Variants in TRIB3 observed in about 807,000 individuals in gnomAD.
TRIB3 encodes the protein tribbles pseudokinase 3, also known as tribbles homolog 3.
A neutral mutation model predicts 16.6 loss-of-function variants in TRIB3; 20 were observed. The ratio of observed to expected loss-of-function variants is 1.20; its 90% CI spans 0.85 to 1.75. TRIB3 has a LOEUF of 1.75. Among genes scored for constraint, TRIB3 ranks in the 40% most tolerant of loss-of-function variants. The pLI is 0.00. For missense variants in TRIB3, 484 were observed against 488.9 expected (o/e 0.99, Z 0.10); for synonymous variants, 208 against 217.0 (o/e 0.96, Z 0.36).
intron 1 of TRIB3, among the ~76,000 whole-genome samples, chr20:387,709 T>C (rs956775038): frequency 6.6e-6 from 1 of 152,216 alleles, no homozygotes; most frequent in African/African-American, 2.4e-5. Context: ...GCTGTATGGC[T>C]ATACCATGAT....
rs138193198 is a variant in TRIB3, at chr20:388,233, G to A, written c.223G>A (p.Glu75Lys). 4.6e-4 allele frequency: 741 copies of A among 1,613,650 alleles called. 1 individual carries two copies. In the African/African-American group the frequency reaches 8.4e-3, roughly 18 times the overall value. ...ASRLGPYVLLEPEEGGRAYQA... is the reference protein window; with the variant it reads ...ASRLGPYVLLKPEEGGRAYQA... ...CCGTCTTGGGCCCTATGTCCTCCTG[G>A]AGCCCGAGGAGGGCGGGCGGGCCTA... The change falls in exon 2 of 4, where the codon GAG becomes AAG. Residue 75 changes from glutamate (E) to lysine (K), a missense_variant. Coordinates refer to ENST00000217233, the MANE Select transcript of TRIB3 (RefSeq NM_021158.5).
intron 1 of TRIB3, among the ~76,000 whole-genome samples, chr20:386,461 T>C (rs556982117): frequency 6.6e-6 from 1 of 152,164 alleles, no homozygotes; most frequent in African/African-American, 2.4e-5. Context: ...CAGGCTGGAG[T>C]GTAGTGGCAC....
intron 1 of TRIB3, chr20:382,376 C>G (rs1370616379): frequency 2.9e-6 from 2 of 678,638 alleles, no homozygotes; most frequent in Non-Finnish European, 4.9e-6. Flanking sequence ...CCAAGGCAGC[C>G]TGGACTACTG....
intron 1 of TRIB3, chr20:382,309 T>C: frequency 1.9e-6 from 1 of 533,088 alleles, no homozygotes. Flanking sequence ...ACCGCATCTG[T>C]CCCCATCTGG....
At chr20:381,834 G>A (rs2014661640) in intron 1 of TRIB3, among the ~76,000 whole-genome samples, 1 of 152,212 alleles carries the variant, frequency 6.6e-6, no homozygotes, top group African/African-American at 2.4e-5. Context: ...CGCGGCTCCG[G>A]GTTTGCAGGT....
rs368799694 is a variant in TRIB3, at chr20:391,359, C to T, written c.364C>T (p.Arg122Trp). 3.3e-5 allele frequency: 53 copies of T among 1,613,466 alleles called. No individual in the cohort carries two copies. In the South Asian group the frequency reaches 4.1e-4, roughly 12 times the overall value. Residue 122 changes from arginine to tryptophan, a missense_variant, in exon 3 of 4, where the codon CGG becomes TGG. Coordinates refer to ENST00000217233, the MANE Select transcript of TRIB3 (RefSeq NM_021158.5). ...ARLPPHKHVA[R>W]PTEVLAGTQL... ...GCTGCCCCCGCACAAGCATGTGGCTCGGCCCACTGAGGTCCTGGCTGGTAC... is the reference window on the plus strand; with the variant it reads ...GCTGCCCCCGCACAAGCATGTGGCTTGGCCCACTGAGGTCCTGGCTGGTAC...
intron 1 of TRIB3, among the ~76,000 whole-genome samples, chr20:384,252 C>T (rs1020734068): frequency 2.0e-5 from 3 of 152,204 alleles, no homozygotes; most frequent in African/African-American, 4.8e-5. Flanking sequence ...CCTTCAGTGG[C>T]TCCCCACTGC....
chr20:396,759 G>T lies in TRIB3; in HGVS notation c.*69G>T. 1 of 1,528,302 alleles carries T rather than the reference G, an allele frequency of 6.5e-7. No individual in the cohort carries two copies. 94.7% of individuals were successfully genotyped at this position (1,528,302 alleles called of 1,614,324 possible). A position where few individuals can be genotyped will look rare whatever the true frequency, so the allele number is the denominator to read the frequency against. On this transcript the variant is annotated 3_prime_UTR_variant, in exon 4 of 4. Coordinates refer to ENST00000217233, the MANE Select transcript of TRIB3 (RefSeq NM_021158.5). Reference sequence around the variant, plus strand: ...TGGGGGTAGCTCCAAGCCTTCTCCTGCCTCTGAACTGAGCCAAACCTTCAG... The same window carrying T: ...TGGGGGTAGCTCCAAGCCTTCTCCTTCCTCTGAACTGAGCCAAACCTTCAG...
intron 1 of TRIB3, among the ~76,000 whole-genome samples, chr20:386,552 G>A (rs1189165069): frequency 1.3e-5 from 2 of 151,956 alleles, no homozygotes; most frequent in Non-Finnish European, 2.9e-5. Context: ...GGGATTACAG[G>A]TATGCACCAC....
rs917234012 is a variant in TRIB3 at position 388,554 on chromosome 20, G to A, written c.291+253G>A. 1.1e-4 allele frequency among the ~76,000 whole-genome samples: 16 copies of A among 152,158 alleles called. No individual in the cohort carries two copies. The South Asian group carries it at 2.5e-3, about 24-fold the overall frequency. ...GCAGGGGTAGAACTTAGGGATCATGGGCGCAGAAAAGGCCGAGCAGAAGTT... is the reference window on the plus strand; with the variant it reads ...GCAGGGGTAGAACTTAGGGATCATGAGCGCAGAAAAGGCCGAGCAGAAGTT... On this transcript the variant is annotated intron_variant, in intron 2 of 3. Transcript: ENST00000217233.
chr20:384,142 C>T (rs1342301828), intron 1 of TRIB3, among the ~76,000 whole-genome samples: 2 of 152,146 alleles, frequency 1.3e-5, no homozygotes, highest in African/African-American at 4.8e-5. Context: ...TCACCTTCTC[C>T]TGCCTGGACT....
chr20:395,738 C>CT (rs2015105867), intron 3 of TRIB3, among the ~76,000 whole-genome samples: 1 of 152,080 alleles, frequency 6.6e-6, no homozygotes, highest in Admixed American at 6.6e-5. Context: ...TGAGGTGAGC[C>CT]AGGTAATGAG....
chr20:392,616 G>A (rs529830752), intron 3 of TRIB3, among the ~76,000 whole-genome samples: 4 of 152,110 alleles, frequency 2.6e-5, no homozygotes, highest in Non-Finnish European at 4.4e-5. Context: ...GAATGCAATG[G>A]CGCGATCTTG....
chr20:383,085 A>C (rs7265965), intron 1 of TRIB3, among the ~76,000 whole-genome samples: 365 of 152,250 alleles, frequency 2.4e-3, no homozygotes, highest in South Asian at 5.0e-3. Flanking sequence ...TTCTAGAGAG[A>C]ACCCGTCTGC....
At chr20:384,538 A>G (rs992443729) in intron 1 of TRIB3, among the ~76,000 whole-genome samples, 1 of 151,844 alleles carries the variant, frequency 6.6e-6, no homozygotes, top group African/African-American at 2.4e-5. Flanking sequence ...TAATTTTTGT[A>G]TGTTTAGTAG....
At chr20:388,444 C>A in intron 2 of TRIB3, 143 bp downstream of exon 2, 1 of 1,119,980 alleles carries the variant, frequency 8.9e-7, no homozygotes, top group Non-Finnish European at 1.2e-6. Context: ...GGAGCCCCTG[C>A]TGGACTGATA....
At chr20:387,227 TAGTC>T (rs1265539955) in intron 1 of TRIB3, among the ~76,000 whole-genome samples, 1 of 151,834 alleles carries the variant, frequency 6.6e-6, no homozygotes. Flanking sequence ...AAAAAAAAAT[TAGTC>T]AGGCATCATA....
intron 1 of TRIB3, among the ~76,000 whole-genome samples, chr20:384,821 C>T (rs1173310362): frequency 1.3e-5 from 2 of 152,182 alleles, no homozygotes; most frequent in African/African-American, 4.8e-5. Flanking sequence ...CACATTCCAG[C>T]ATACAGGAAA....
At chr20:390,049 G>A (rs761146662) in intron 2 of TRIB3, among the ~76,000 whole-genome samples, 11 of 152,164 alleles carry the variant, frequency 7.2e-5, no homozygotes, top group Non-Finnish European at 1.0e-4. Context: ...TCAGGTGGCC[G>A]GGCGCGGTGG....
Sources: allele counts gnomAD v4.1 joint callset (sites outside exome capture counted in the v4.1 genomes callset), GRCh38; gene constraint gnomAD v4.1.1; transcripts MANE v1.5; gene names NCBI Gene and HGNC (gene_info 2026-07-23, HGNC 2026-07-21).